Variants in PECR observed in about 807,000 individuals in gnomAD.
PECR encodes peroxisomal trans-2-enoyl-CoA reductase.
A neutral mutation model predicts 35.3 loss-of-function variants in PECR; 30 were observed. The ratio of observed to expected loss-of-function variants is 0.85; its 90% CI spans 0.64 to 1.15. The LOEUF (loss-of-function observed/expected upper bound fraction) is 1.15, where lower values mean the gene tolerates loss of function less well. PECR is among the 50% of genes most tolerant of loss of function. The pLI, the probability that PECR is intolerant of heterozygous loss-of-function variation, is 0.00. For missense variants in PECR, 392 were observed against 370.8 expected, an observed-to-expected ratio of 1.06 and a Z score of -0.47; for synonymous variants, 148 against 138.9, an observed-to-expected ratio of 1.07 and a Z score of -0.46.
intron 1 of PECR, among the ~76,000 whole-genome samples, chr2:216,077,348 A>G (rs541239056): frequency 2.2e-4 from 33 of 149,348 alleles, no homozygotes; most frequent in African/African-American, 8.2e-4. Flanking sequence ...TCTACTAAAA[A>G]TACAAAAACT....
At chr2:216,077,180 G>A (rs1000645213) in intron 1 of PECR, among the ~76,000 whole-genome samples, 4 of 151,740 alleles carry the variant, frequency 2.6e-5, no homozygotes, top group Non-Finnish European at 5.9e-5. Flanking sequence ...TTACAGGCAT[G>A]AGCCACCGCG....
At chr2:216,057,914 ACT>A (rs1450355448) in intron 4 of PECR, 1 of 152,000 alleles carries the variant, frequency 6.6e-6, no homozygotes, top group East Asian at 1.9e-4. Flanking sequence ...CTTGAGAGGC[ACT>A]CTCTCACTGG....
At chr2:216,059,049 C>A in intron 3 of PECR, 73 bp from the exon 4 acceptor site, 1 of 876,412 alleles carries the variant, frequency 1.1e-6, no homozygotes, top group Non-Finnish European at 2.0e-6. Flanking sequence ...TGTTTCAGCA[C>A]ACTGCCTGTT....
At chr2:216,031,479 A>AAGAAAGAAAGAAAG (rs1694695627) in intron 7 of PECR, among the ~76,000 whole-genome samples, 1 of 130,554 alleles carries the variant, frequency 7.7e-6, no homozygotes, top group Non-Finnish European at 1.6e-5. Flanking sequence ...AAGAAAGAGA[A>AAGAAAGAAAGAAAG]AGAAAGAAAG....
At position 216,060,342 on chromosome 2, in the gene PECR, A is replaced by G. The variant is rs920715553; in HGVS notation, c.425-1366T>C. On this transcript the variant is annotated intron_variant, in intron 3 of 7. Coordinates refer to ENST00000265322, the MANE Select transcript of PECR (RefSeq NM_018441.6). ...ATGATAACCCAGTAGTAGTGAACAC[A>G]TGTAGTACCCAAATCTCGCCTTCTA... Among the ~76,000 whole-genome samples the G allele has an allele frequency of 5.3e-5, 8 of 152,256 alleles. No individual in the cohort carries two copies. In the East Asian group the frequency reaches 1.5e-3, roughly 29 times the overall value.
chr2:216,042,995 A>C (rs1694917644), intron 7 of PECR, among the ~76,000 whole-genome samples: 1 of 146,206 alleles, frequency 6.8e-6, no homozygotes, highest in African/African-American at 2.5e-5. Flanking sequence ...ATATATACAT[A>C]CGTATATGTG....
At chr2:216,054,293 A>G (rs984025753) in intron 4 of PECR, among the ~76,000 whole-genome samples, 6 of 151,204 alleles carry the variant, frequency 4.0e-5, no homozygotes, top group African/African-American at 1.5e-4. Flanking sequence ...ATCTCAAAAA[A>G]AAAAGAAAAA....
chr2:216,063,044 G>A (rs1276562702), intron 3 of PECR, among the ~76,000 whole-genome samples: 1 of 152,086 alleles, frequency 6.6e-6, no homozygotes, highest in Non-Finnish European at 1.5e-5. Context: ...CTGTATTTTG[G>A]TATAAATTTT....
chr2:216,067,154 T>C (rs1559216812), intron 1 of PECR, among the ~76,000 whole-genome samples: 1 of 151,894 alleles, frequency 6.6e-6, no homozygotes, highest in African/African-American at 2.4e-5. Flanking sequence ...AGAGATGAAG[T>C]TGGGAGTCTA....
At chr2:216,044,681 G>A (rs1389472125) in intron 6 of PECR, among the ~76,000 whole-genome samples, 2 of 152,114 alleles carry the variant, frequency 1.3e-5, no homozygotes, top group Non-Finnish European at 2.9e-5. Flanking sequence ...GGGTGGCAGA[G>A]TGAGACTCCA....
chr2:216,041,373 T>C (rs574958239), intron 7 of PECR, among the ~76,000 whole-genome samples: 1 of 152,240 alleles, frequency 6.6e-6, no homozygotes, highest in African/African-American at 2.4e-5. Flanking sequence ...GAAAACAATA[T>C]GGCAAAACCA....
chr2:216,055,677 T>C (rs560156936), intron 4 of PECR, among the ~76,000 whole-genome samples: 33 of 152,230 alleles, frequency 2.2e-4, no homozygotes, highest in Non-Finnish European at 4.6e-4. Context: ...TTAGTTGTGA[T>C]AACCCTGCAG....
chr2:216,045,173 G>A (rs543083843), intron 6 of PECR, among the ~76,000 whole-genome samples: 4 of 152,282 alleles, frequency 2.6e-5, no homozygotes, highest in Non-Finnish European at 5.9e-5. Flanking sequence ...TCCCAGTCCT[G>A]GTCCTATATT....
intron 4 of PECR, among the ~76,000 whole-genome samples, chr2:216,056,167 G>A (rs1695221215): frequency 6.6e-6 from 1 of 152,026 alleles, no homozygotes; most frequent in African/African-American, 2.4e-5. Flanking sequence ...ATTTCCAGAT[G>A]TATCTTGCAC....
chr2:216,079,278 G>T (rs911575919), intron 1 of PECR, among the ~76,000 whole-genome samples: 9 of 149,056 alleles, frequency 6.0e-5, no homozygotes, highest in African/African-American at 1.7e-4. Flanking sequence ...AAAAGACGAA[G>T]ACAATTTTAA....
intron 7 of PECR, among the ~76,000 whole-genome samples, chr2:216,029,603 C>T (rs889329336): frequency 2.0e-5 from 3 of 152,240 alleles, no homozygotes; most frequent in Non-Finnish European, 2.9e-5. Context: ...GAAACACAAA[C>T]TTGTTATCCC....
intron 7 of PECR, among the ~76,000 whole-genome samples, chr2:216,043,033 G>GTGTATATATATATACACATACGTATA (rs1694921161): frequency 8.3e-6 from 1 of 120,006 alleles, no homozygotes; most frequent in Non-Finnish European, 1.8e-5. Flanking sequence ...ACGTATATAT[G>GTGTATATATATATACACATACGTATA]TATGTGTATA....
chr2:216,073,771 G>A (rs934627892), intron 1 of PECR, among the ~76,000 whole-genome samples: 15 of 152,142 alleles, frequency 9.9e-5, no homozygotes, highest in African/African-American at 3.1e-4. Context: ...CTCCCGTACA[G>A]GTTTGGAGCC....
chr2:216,064,214 C>T (rs1355475236), intron 3 of PECR: 1 of 152,244 alleles, frequency 6.6e-6, no homozygotes, highest in Non-Finnish European at 1.5e-5. Context: ...TCTCCCAATA[C>T]TCATTCTCCC....
Sources: allele counts gnomAD v4.1 joint callset (sites outside exome capture counted in the v4.1 genomes callset), GRCh38; gene constraint gnomAD v4.1.1; transcripts MANE v1.5; gene names NCBI Gene and HGNC (gene_info 2026-07-23, HGNC 2026-07-21).